Variants in SRPK2 observed in about 807,000 individuals in gnomAD.
SRPK2 encodes the protein SFRS protein kinase 2.
Under a neutral mutation model 90.8 loss-of-function variants are expected in SRPK2, and 21 were observed. That is an observed-to-expected ratio of 0.23 (90% CI 0.16 to 0.33). The LOEUF (loss-of-function observed/expected upper bound fraction) is 0.33. Among genes scored for constraint, SRPK2 ranks in the 10% least tolerant of loss-of-function variants. SRPK2 has a pLI of 1.00. For missense variants in SRPK2, 620 were observed against 869.0 expected (o/e 0.71, Z 3.60); for synonymous variants, 288 against 311.1 (o/e 0.93, Z 0.78).
At chr7:105,263,066 C>T (rs976277068) in intron 2 of SRPK2, among the ~76,000 whole-genome samples, 1 of 152,166 alleles carries the variant, frequency 6.6e-6, no homozygotes, top group Non-Finnish European at 1.5e-5. Flanking sequence ...GTGGCTCACA[C>T]CTGTAATCCT....
Position 105,355,383 on chromosome 7 carries a change from G to A in SRPK2, c.71+33265C>T, listed in dbSNP as rs575967459. On this transcript the variant is annotated intron_variant, in intron 2 of 15. Coordinates refer to ENST00000393651, the MANE Select transcript of SRPK2 (RefSeq NM_182692.3). ...TAGCAAGCAAGGCACAGTGGCTCAC[G>A]CCTGTAATCCCAACACTTTGGCAAA... 1.6e-4 allele frequency among the ~76,000 whole-genome samples: 24 copies of A among 152,072 alleles called. No individual in the cohort carries two copies. In the South Asian group the frequency reaches 3.1e-3, roughly 20 times the overall value.
intron 2 of SRPK2, among the ~76,000 whole-genome samples, chr7:105,278,630 G>A (rs1440941435): frequency 1.3e-5 from 2 of 151,902 alleles, no homozygotes; most frequent in African/African-American, 4.8e-5. Context: ...AGGTTGTGGT[G>A]AGCTGAGACT....
intron 2 of SRPK2, among the ~76,000 whole-genome samples, chr7:105,335,967 A>C (rs956555899): frequency 6.6e-6 from 1 of 152,086 alleles, no homozygotes; most frequent in African/African-American, 2.4e-5. Context: ...AAAAAAAAAA[A>C]ACTTTGCTTA....
At chr7:105,309,479 C>A (rs1057202223) in intron 2 of SRPK2, among the ~76,000 whole-genome samples, 5 of 152,154 alleles carry the variant, frequency 3.3e-5, no homozygotes, top group Admixed American at 3.3e-4. Context: ...TGTATCTACA[C>A]ATACACATGA....
At chr7:105,298,806 G>T in intron 2 of SRPK2, 1 of 985,570 alleles carries the variant, frequency 1.0e-6, no homozygotes, top group Non-Finnish European at 1.2e-6. Context: ...TGTAAGGAGG[G>T]CTTCACGCAG....
intron 2 of SRPK2, among the ~76,000 whole-genome samples, chr7:105,347,347 T>G (rs1033759908): frequency 2.0e-5 from 3 of 151,664 alleles, no homozygotes; most frequent in Non-Finnish European, 4.4e-5. Context: ...CAGGCCACCA[T>G]GCCTGGCTAA....
At chr7:105,325,486 CAAAAAAA>C (rs33959633) in intron 2 of SRPK2, among the ~76,000 whole-genome samples, 1 of 86,110 alleles carries the variant, frequency 1.2e-5, no homozygotes, top group Non-Finnish European at 2.1e-5. Flanking sequence ...ACCAAGTCTT[CAAAAAAA>C]AAAAAAAAAA....
chr7:105,336,902 A>C (rs1585769124), intron 2 of SRPK2, among the ~76,000 whole-genome samples: 1 of 152,124 alleles, frequency 6.6e-6, no homozygotes, highest in East Asian at 1.9e-4. Flanking sequence ...TCCAGGTTCA[A>C]GCAATTCTCC....
intron 6 of SRPK2, among the ~76,000 whole-genome samples, chr7:105,161,231 C>T (rs1161178093): frequency 1.3e-5 from 2 of 152,118 alleles, no homozygotes; most frequent in Non-Finnish European, 2.9e-5. Flanking sequence ...AGCCCATATA[C>T]TTTATTTAAA....
At chr7:105,170,958 AGAAAGAAAG>A (rs1790977783) in intron 3 of SRPK2, among the ~76,000 whole-genome samples, 1 of 39,532 alleles carries the variant, frequency 2.5e-5, no homozygotes, top group Non-Finnish European at 7.4e-5. Flanking sequence ...AAAGAAAGAA[AGAAAGAAAG>A]AGAAAGAAAG....
chr7:105,270,274 G>A (rs891856030), intron 2 of SRPK2, among the ~76,000 whole-genome samples: 1 of 152,160 alleles, frequency 6.6e-6, no homozygotes, highest in Non-Finnish European at 1.5e-5. Flanking sequence ...TAGCTGGGGT[G>A]GTGCTGAGAC....
intron 4 of SRPK2, among the ~76,000 whole-genome samples, 168 bp from the exon 5 acceptor site, chr7:105,168,263 C>T (rs565492560): frequency 2.0e-5 from 3 of 152,348 alleles, no homozygotes; most frequent in Admixed American, 2.0e-4. Flanking sequence ...AATTCCACCT[C>T]TGACTGCAAT....
At chr7:105,297,621 C>T (rs1049715393) in intron 2 of SRPK2, 1 of 370,832 alleles carries the variant, frequency 2.7e-6, no homozygotes, top group Non-Finnish European at 3.7e-6. Flanking sequence ...GAGATTATCA[C>T]AATCTGGCAA....
chr7:105,267,000 G>A (rs999609584), intron 2 of SRPK2, among the ~76,000 whole-genome samples: 6 of 152,070 alleles, frequency 3.9e-5, no homozygotes, highest in Admixed American at 3.3e-4. Context: ...ATTAAGTCAG[G>A]ACAGCATAAT....
intron 2 of SRPK2, among the ~76,000 whole-genome samples, chr7:105,238,283 C>T (rs1254951926): frequency 6.6e-6 from 1 of 152,178 alleles, no homozygotes; most frequent in African/African-American, 2.4e-5. Flanking sequence ...CATCATCATC[C>T]CTTGGGTGAG....
intron 2 of SRPK2, among the ~76,000 whole-genome samples, chr7:105,238,647 CCAGT>C (rs1800423878): frequency 6.6e-6 from 1 of 152,150 alleles, no homozygotes; most frequent in Non-Finnish European, 1.5e-5. Context: ...AATAAAATAG[CCAGT>C]CAGTTTGTAT....
chr7:105,200,929 C>A (rs1795465549), intron 3 of SRPK2, among the ~76,000 whole-genome samples: 2 of 152,160 alleles, frequency 1.3e-5, no homozygotes, highest in Non-Finnish European at 1.5e-5. Flanking sequence ...AGCCCGAGGT[C>A]TGAATAGTAG....
chr7:105,348,360 C>G (rs34154773), intron 2 of SRPK2, among the ~76,000 whole-genome samples: 25,384 of 151,348 alleles, frequency 0.17, 2,788 homozygotes, highest in East Asian at 0.58. Flanking sequence ...TGTGAGTCAC[C>G]GCGCACAGCA....
chr7:105,203,658 C>T lies in SRPK2; in HGVS notation c.199G>A (p.Glu67Lys). Residue 67 changes from glutamate to lysine, a missense_variant, in exon 3 of 16, where the codon GAG becomes AAG. Physicochemically the swap from Glu to Lys is moderately conservative, Grantham distance 56 (BLOSUM62 1). This residue lies in a region of SRPK2 where 196 missense variants were observed against 339.2 expected (regional missense o/e 0.58). Coordinates refer to ENST00000393651, the MANE Select transcript of SRPK2 (RefSeq NM_182692.3). The part of the protein sequence containing the change: ...EEEILGSDDE[E>K]QEDPADYCKG... The stretch of plus-strand genomic sequence containing the variant: ...CAGTAGTCCGCAGGGTCCTCTTGCT[C>T]CTCATCATCTGATCCCAGGATCTCC... 6.5e-7 allele frequency: 1 copy of T among 1,546,714 alleles called. No individual in the cohort carries two copies. The highest frequency in any genetic ancestry group is 8.7e-7 in the Non-Finnish European group (1 of 1,151,636).
Sources: allele counts gnomAD v4.1 joint callset (sites outside exome capture counted in the v4.1 genomes callset), GRCh38; gene constraint gnomAD v4.1.1; regional missense constraint gnomAD v4.1.1; transcripts MANE v1.5; gene names NCBI Gene and HGNC (gene_info 2026-07-23, HGNC 2026-07-21).